Variants in ANXA7 observed in about 807,000 individuals in gnomAD.
ANXA7 encodes annexin A7, also known as annexin VII.
In ANXA7, 55 loss-of-function variants were observed where a neutral mutation model predicts 64.9. That is an observed-to-expected ratio of 0.85 (90% confidence interval 0.68 to 1.06). The LOEUF (loss-of-function observed/expected upper bound fraction) is 1.06, where lower values mean the gene tolerates loss of function less well. Among genes scored for constraint, ANXA7 ranks in the 50% least tolerant of loss-of-function variants. The pLI is 0.00. For synonymous variants in ANXA7, 200 were observed against 192.4 expected, an observed-to-expected ratio of 1.04 and a Z score of -0.33; for missense variants, 548 against 582.1, an observed-to-expected ratio of 0.94 and a Z score of 0.60.
At chr10:73,387,217 C>A (rs556929113) in intron 7 of ANXA7, among the ~76,000 whole-genome samples, 1 of 152,084 alleles carries the variant, frequency 6.6e-6, no homozygotes, top group Admixed American at 6.5e-5. Context: ...AATGAAAAAG[C>A]CTTTTAAGAG....
chr10:73,408,645 T>C (rs1465966148), intron 1 of ANXA7, among the ~76,000 whole-genome samples: 1 of 152,254 alleles, frequency 6.6e-6, no homozygotes, highest in East Asian at 1.9e-4. Flanking sequence ...TAAAGCTATT[T>C]TAAGAAAGTG....
chr10:73,376,066 T>C lies in ANXA7; in HGVS notation c.*29A>G. 1.3e-6 allele frequency: 2 copies of C among 1,510,990 alleles called. No individual in the cohort carries two copies. The highest frequency in any genetic ancestry group is 1.8e-6 in the Non-Finnish European group (2 of 1,134,540). 93.6% of individuals were successfully genotyped at this position (1,510,990 alleles called of 1,614,324 possible). On this transcript the variant is annotated 3_prime_UTR_variant, in exon 13 of 13. Coordinates refer to ENST00000372921, the MANE Select transcript of ANXA7 (RefSeq NM_001156.5). ...GAAGGATAAGCTATGAATAGAAATT[T>C]TTTTTCATTAAAAAAAAAAAAATCC... is the stretch of plus-strand genomic sequence containing the variant.
intron 1 of ANXA7, among the ~76,000 whole-genome samples, chr10:73,410,923 A>G (rs1259588478): frequency 6.6e-6 from 1 of 152,198 alleles, no homozygotes; most frequent in East Asian, 1.9e-4. Flanking sequence ...TCTACCATTC[A>G]ATCCAGAAAT....
intron 5 of ANXA7, chr10:73,396,132 T>C: frequency 6.6e-7 from 1 of 1,508,990 alleles, no homozygotes. Context: ...TGAAAAGTTA[T>C]AAAGGTAAAA....
At chr10:73,391,124 C>T (rs1199423298) in intron 5 of ANXA7, among the ~76,000 whole-genome samples, 3 of 148,672 alleles carry the variant, frequency 2.0e-5, no homozygotes, top group Admixed American at 6.7e-5. Flanking sequence ...CCCCAGATCG[C>T]GCCACTGCAC....
At chr10:73,387,962 C>G (rs2055405852) in intron 6 of ANXA7, among the ~76,000 whole-genome samples, 179 bp from the exon 7 acceptor site, 1 of 151,718 alleles carries the variant, frequency 6.6e-6, no homozygotes, top group African/African-American at 2.4e-5. Context: ...AGCAATTCTC[C>G]TGCCTCAGCT....
intron 11 of ANXA7, 179 bp downstream of exon 11, chr10:73,379,700 T>C (rs1369802311): frequency 3.1e-6 from 2 of 653,650 alleles, no homozygotes; most frequent in Non-Finnish European, 5.4e-6. Context: ...CACAGGACTG[T>C]TTCTGGGGGC....
chr10:73,400,909 GTT>G, intron 1 of ANXA7, 52 bp from the exon 2 acceptor site: 1 of 1,499,538 alleles, frequency 6.7e-7, no homozygotes. Flanking sequence ...GTTTTGTTTT[GTT>G]TTGTTTTGTT....
rs768609940 is a variant in ANXA7 at position 73,383,150 on chromosome 10, G to A, written c.918+25C>T. On this transcript the variant is annotated intron_variant, in intron 9 of 12. Coordinates refer to ENST00000372921, the MANE Select transcript of ANXA7 (RefSeq NM_001156.5). Reference sequence around the variant, plus strand: ...TTTAAAGTATGTTCCCTCTATCAACGCACAAGCATTCATACTATACTCACC... The same window carrying A: ...TTTAAAGTATGTTCCCTCTATCAACACACAAGCATTCATACTATACTCACC... 1.5e-5 allele frequency: 23 copies of A among 1,572,514 alleles called. No homozygotes were observed. In the East Asian group the frequency reaches 4.1e-4, roughly 28 times the overall value.
intron 7 of ANXA7, among the ~76,000 whole-genome samples, chr10:73,385,978 C>T (rs1192820513): frequency 6.6e-6 from 1 of 152,046 alleles, no homozygotes; most frequent in Non-Finnish European, 1.5e-5. Flanking sequence ...CTTTGGGAGG[C>T]CAAGGCAGGC....
At chr10:73,400,932 G>C in intron 1 of ANXA7, 75 bp from the exon 2 acceptor site, 22 of 1,293,722 alleles carry the variant, frequency 1.7e-5, no homozygotes, top group Admixed American at 2.0e-5. Flanking sequence ...TTTTGAGACG[G>C]AGTCTCACTC....
At chr10:73,382,144 G>A (rs1334322220) in intron 9 of ANXA7, among the ~76,000 whole-genome samples, 1 of 152,064 alleles carries the variant, frequency 6.6e-6, no homozygotes, top group East Asian at 1.9e-4. Flanking sequence ...AAAGTACTGG[G>A]ATTACAGACA....
At chr10:73,394,967 T>C (rs1205057194) in intron 5 of ANXA7, among the ~76,000 whole-genome samples, 7 of 152,222 alleles carry the variant, frequency 4.6e-5, no homozygotes, top group Non-Finnish European at 7.3e-5. Flanking sequence ...TCTAAAATTA[T>C]ATGCATGCTT....
chr10:73,402,315 C>A (rs11000643), intron 1 of ANXA7, among the ~76,000 whole-genome samples: 15,791 of 151,896 alleles, frequency 0.1, 1,181 homozygotes, highest in East Asian at 0.3. Flanking sequence ...CAACACCCCC[C>A]CTCCCCACCC....
intron 12 of ANXA7, among the ~76,000 whole-genome samples, chr10:73,376,957 T>C (rs1410910890): frequency 2.0e-5 from 3 of 151,874 alleles, no homozygotes; most frequent in Non-Finnish European, 4.4e-5. Context: ...GTACCTAGAG[T>C]AGTCAAACAC....
intron 7 of ANXA7, among the ~76,000 whole-genome samples, chr10:73,386,175 C>T (rs2055366250): frequency 6.7e-6 from 1 of 148,228 alleles, no homozygotes; most frequent in African/African-American, 2.5e-5. Flanking sequence ...GATCATGCCA[C>T]TGCACTCCAG....
At chr10:73,409,112 C>T (rs1158354593) in intron 1 of ANXA7, among the ~76,000 whole-genome samples, 1 of 152,150 alleles carries the variant, frequency 6.6e-6, no homozygotes, top group African/African-American at 2.4e-5. Flanking sequence ...AGGAACAAGA[C>T]AAGGACATCC....
chr10:73,404,708 CTA>C lies in ANXA7; in HGVS notation c.-1-3853_-1-3852del, dbSNP rs59482006. On this transcript the variant is annotated intron_variant, in intron 1 of 12. Transcript: ENST00000372921. ...CTAGTGTGGATAAAGACAAATATCC[CTA>C]TATATATATATATATATATCTTTTG... Among the ~76,000 whole-genome samples, 1,002 of 143,462 alleles carry C rather than the reference CTA, an allele frequency of 7.0e-3. 8 individuals are homozygous for C. The highest frequency in any genetic ancestry group is 0.021 in the African/African-American group (825 of 40,232). The allele number at this position is 143,462 out of a possible 152,430, so 94.1% of individuals were successfully genotyped here. A position where few individuals can be genotyped will look rare whatever the true frequency, so the allele number is the denominator to read the frequency against.
intron 1 of ANXA7, among the ~76,000 whole-genome samples, chr10:73,404,445 T>G (rs2055720904): frequency 6.6e-6 from 1 of 152,234 alleles, no homozygotes; most frequent in African/African-American, 2.4e-5. Flanking sequence ...ACTATGATTT[T>G]CATCAAGTAT....
Sources: gnomAD v4.1 joint callset for allele counts (sites outside exome capture counted in the v4.1 genomes callset) on GRCh38, gnomAD v4.1.1 for gene constraint, MANE v1.5 for transcripts, NCBI Gene and HGNC (gene_info 2026-07-23, HGNC 2026-07-21) for gene names.